Variants in GLIS3 observed in about 807,000 individuals in gnomAD.
GLIS3 encodes GLIS family zinc finger 3.
In GLIS3, 53 loss-of-function variants were observed where a neutral mutation model predicts 78.6. That is an observed-to-expected ratio of 0.67 (90% CI 0.54 to 0.85). The LOEUF is 0.85. GLIS3 is among the 40% of genes least tolerant of loss of function. The probability of loss-of-function intolerance (pLI) is 0.00; values close to 1 mark genes in which losing one functional copy is unlikely to be tolerated. For synonymous variants in GLIS3, 684 were observed against 509.9 expected (o/e 1.34, Z -4.60); for missense variants, 1,703 against 1,231.1 (o/e 1.38, Z -5.74).
intron 4 of GLIS3, among the ~76,000 whole-genome samples, chr9:3,973,173 C>T (rs1210239590): frequency 6.6e-6 from 1 of 152,140 alleles, no homozygotes; most frequent in African/African-American, 2.4e-5. Context: ...AATGCAAATG[C>T]TGCCATTGTT....
intron 2 of GLIS3, among the ~76,000 whole-genome samples, chr9:4,182,763 C>T (rs185336375): frequency 2.0e-4 from 30 of 152,248 alleles, no homozygotes; most frequent in African/African-American, 5.5e-4. Context: ...GTCTTGAAAA[C>T]GCAATAGTAA....
chr9:3,948,612 G>C (rs1190679421), intron 4 of GLIS3, among the ~76,000 whole-genome samples: 1 of 152,086 alleles, frequency 6.6e-6, no homozygotes, highest in Non-Finnish European at 1.5e-5. Flanking sequence ...GGAATAATAA[G>C]TCTATGAAAA....
intron 2 of GLIS3, among the ~76,000 whole-genome samples, chr9:4,204,337 A>T (rs1284895794): frequency 6.6e-6 from 1 of 152,204 alleles, no homozygotes. Flanking sequence ...TTTTGTACAT[A>T]TAACCATCTG....
At chr9:4,113,529 G>C (rs61060678) in intron 4 of GLIS3, among the ~76,000 whole-genome samples, 4,004 of 152,180 alleles carry the variant, frequency 0.026, 196 homozygotes, top group African/African-American at 0.092. Flanking sequence ...GCCAATATGA[G>C]GATTATGAAG....
chr9:4,380,469 A>T, the GLIS3 span, among the ~76,000 whole-genome samples: 2 of 152,242 alleles, frequency 1.3e-5, no homozygotes, highest in African/African-American at 4.8e-5. Flanking sequence ...GCACCAAAGA[A>T]GATAAAAATT....
At chr9:3,865,410 A>G (rs1015746261) in intron 8 of GLIS3, among the ~76,000 whole-genome samples, 2 of 152,248 alleles carry the variant, frequency 1.3e-5, no homozygotes, top group Admixed American at 6.5e-5. Flanking sequence ...AGCCTATTCT[A>G]TGTCAGAGAG....
intron 8 of GLIS3, 105 bp from the exon 9 acceptor site, chr9:3,856,289 G>T: frequency 2.0e-6 from 2 of 1,008,436 alleles, no homozygotes; most frequent in Non-Finnish European, 3.1e-6. Flanking sequence ...CTATACAAGA[G>T]CGTGACAACA....
At chr9:4,016,952 G>A (rs1039119378) in intron 4 of GLIS3, among the ~76,000 whole-genome samples, 18 of 152,132 alleles carry the variant, frequency 1.2e-4, no homozygotes, top group Admixed American at 1.0e-3. Context: ...TCTGACACCC[G>A]ATCCACAAGC....
chr9:4,203,314 GA>G (rs574627393), intron 2 of GLIS3, among the ~76,000 whole-genome samples: 3 of 150,650 alleles, frequency 2.0e-5, no homozygotes, highest in African/African-American at 4.9e-5. Context: ...ATTAAAAAGT[GA>G]AAAAAAAATC....
At chr9:4,223,599 C>T (rs1821515767) in intron 2 of GLIS3, among the ~76,000 whole-genome samples, 1 of 152,116 alleles carries the variant, frequency 6.6e-6, no homozygotes, top group Non-Finnish European at 1.5e-5. Flanking sequence ...GCCTCTAAAA[C>T]ACCACGTGAA....
At chr9:3,919,175 A>T (rs1261962165) in intron 6 of GLIS3, among the ~76,000 whole-genome samples, 1 of 152,224 alleles carries the variant, frequency 6.6e-6, no homozygotes, top group East Asian at 1.9e-4. Flanking sequence ...CATCTCTAAC[A>T]GAGGCCACTA....
intron 4 of GLIS3, among the ~76,000 whole-genome samples, chr9:4,097,219 A>G (rs972970337): frequency 4.6e-5 from 7 of 152,162 alleles, no homozygotes; most frequent in Non-Finnish European, 8.8e-5. Context: ...CAGAAGCCAC[A>G]GAGAACTGAT....
intron 9 of GLIS3, among the ~76,000 whole-genome samples, chr9:3,830,792 G>A (rs910281272): frequency 1.4e-4 from 22 of 152,306 alleles, no homozygotes; most frequent in African/African-American, 5.1e-4. Context: ...CCTATCAAAA[G>A]AGAGGGAAGG....
intron 2 of GLIS3, among the ~76,000 whole-genome samples, chr9:4,198,003 T>C (rs1305087655): frequency 1.3e-5 from 2 of 152,048 alleles, no homozygotes; most frequent in Admixed American, 6.6e-5. Context: ...AAAATAAAAA[T>C]TCCTGCCTGC....
chr9:4,252,998 G>T (rs1247063887), intron 2 of GLIS3, among the ~76,000 whole-genome samples: 4 of 152,194 alleles, frequency 2.6e-5, no homozygotes, highest in Non-Finnish European at 4.4e-5. Flanking sequence ...TCATTCCAGG[G>T]GGGCACCTGC....
chr9:3,928,397 G>C (rs954670128), intron 6 of GLIS3, among the ~76,000 whole-genome samples: 13 of 152,214 alleles, frequency 8.5e-5, no homozygotes, highest in African/African-American at 3.1e-4. Flanking sequence ...ATGACTGAAA[G>C]CAACTGACAG....
chr9:4,354,958 T>C, the GLIS3 span, among the ~76,000 whole-genome samples: 1 of 151,654 alleles, frequency 6.6e-6, no homozygotes, highest in Non-Finnish European at 1.5e-5. Context: ...CTACTAAAAA[T>C]ACCAAAAATT....
chr9:4,401,377 A>G, the GLIS3 span, among the ~76,000 whole-genome samples: 1 of 151,698 alleles, frequency 6.6e-6, no homozygotes, highest in East Asian at 1.9e-4. Flanking sequence ...CTCCTGCCTC[A>G]GCCTCCCGAT....
chr9:3,833,426 G>T (rs572399957), intron 9 of GLIS3, among the ~76,000 whole-genome samples: 12 of 152,276 alleles, frequency 7.9e-5, no homozygotes, highest in African/African-American at 2.9e-4. Context: ...CTGATGAATG[G>T]CTCCTGCATT....
Sources: gnomAD v4.1 joint callset for allele counts (sites outside exome capture counted in the v4.1 genomes callset) on GRCh38, gnomAD v4.1.1 for gene constraint, MANE v1.5 for transcripts, NCBI Gene and HGNC (gene_info 2026-07-23, HGNC 2026-07-21) for gene names.